The following FANCI variants were observed in gnomAD, a reference collection of about 807,000 sequenced individuals.
The protein encoded by FANCI is FA complementation group I.
Under a neutral mutation model 176.1 loss-of-function variants are expected in FANCI, and 156 were observed. The observed-to-expected ratio is 0.89, with a 90% CI of 0.78 to 1.01. The LOEUF (loss-of-function observed/expected upper bound fraction) is 1.01, where lower values mean the gene tolerates loss of function less well. Among genes scored for constraint, FANCI ranks in the 50% least tolerant of loss-of-function variants. The pLI, the probability that FANCI is intolerant of heterozygous loss-of-function variation, is 0.00. For synonymous variants in FANCI, 613 were observed against 541.7 expected (o/e 1.13, Z -1.83); for missense variants, 1,678 against 1,534.1 (o/e 1.09, Z -1.57).
At chr15:89,263,507 C>T (rs1174098285) in intron 7 of FANCI, 47 bp downstream of exon 7, 3 of 1,480,086 alleles carry the variant, frequency 2.0e-6, no homozygotes, top group African/African-American at 1.4e-5. Flanking sequence ...GCTTTGTGAA[C>T]TTACTTGCTA....
chr15:89,302,612 C>G (rs2054566664), intron 27 of FANCI, among the ~76,000 whole-genome samples: 1 of 150,244 alleles, frequency 6.7e-6, no homozygotes, highest in Non-Finnish European at 1.5e-5. Context: ...CTCGCTCTGT[C>G]TCCCAGGCTG....
intron 24 of FANCI, among the ~76,000 whole-genome samples, chr15:89,297,043 G>C (rs2054316381): frequency 6.6e-6 from 1 of 151,274 alleles, no homozygotes; most frequent in South Asian, 2.1e-4. Flanking sequence ...TCCTGGACGG[G>C]GTGGCTGCCG....
rs73468710 is a variant in FANCI, at chr15:89,278,402, A to G, written c.1294-285A>G. On this transcript the variant is annotated intron_variant, in intron 13 of 37. Transcript: ENST00000310775. ...GATATTGTCAGGTAATGGATACCTAAGTAGAATTGATCCTGTTTGATGCTG... is the reference window on the plus strand; with the variant it reads ...GATATTGTCAGGTAATGGATACCTAGGTAGAATTGATCCTGTTTGATGCTG... 0.037 allele frequency among the ~76,000 whole-genome samples: 5,604 copies of G among 152,302 alleles called. 280 individuals carry two copies. The highest frequency in any genetic ancestry group is 0.12 in the African/African-American group (5,030 of 41,544).
At chr15:89,288,931 G>A (rs115426828) in intron 18 of FANCI, among the ~76,000 whole-genome samples, 2,546 of 151,670 alleles carry the variant, frequency 0.017, 65 homozygotes, top group African/African-American at 0.048. Flanking sequence ...ATGAGCTACC[G>A]TGCCCGGCCC....
intron 24 of FANCI, among the ~76,000 whole-genome samples, chr15:89,297,133 G>A (rs548708063): frequency 9.4e-5 from 14 of 149,290 alleles, no homozygotes; most frequent in African/African-American, 1.5e-4. Context: ...GGCGGCTGCC[G>A]GGCGGCAGGG....
chr15:89,253,273 A>G (rs1485494509), intron 2 of FANCI, among the ~76,000 whole-genome samples: 1 of 152,176 alleles, frequency 6.6e-6, no homozygotes, highest in African/African-American at 2.4e-5. Flanking sequence ...ATTTGGAAAA[A>G]ATAGATGAAA....
Position 89,301,422 on chromosome 15 carries a change from C to T in FANCI, c.2986C>T (p.Leu996=), listed in dbSNP as rs2151859620. Residue 996 remains leucine, a synonymous_variant, in exon 27 of 38, where the codon CTG becomes TTG. Coordinates refer to ENST00000310775, the MANE Select transcript of FANCI (RefSeq NM_001113378.2). ...GGTTCTTACCAGTTTGTCCAAGTTA[C>T]TGGAGCCCTCCTCTCCTCAGGTACT... ...VTVLTSLSKL[L]EPSSPQFVQM... is the part of the protein sequence containing the mutation. 1 of 1,613,724 alleles carries T rather than the reference C, an allele frequency of 6.2e-7. No individual in the cohort carries two copies. Among genetic ancestry groups the T allele is most frequent in the Middle Eastern group, 1.6e-4 (1 of 6,062 alleles).
chr15:89,262,659 C>A (rs1447429242), intron 6 of FANCI, among the ~76,000 whole-genome samples: 2 of 152,148 alleles, frequency 1.3e-5, no homozygotes, highest in South Asian at 2.1e-4. Context: ...TTACATAAAT[C>A]ATTTTAAGCA....
intron 4 of FANCI, among the ~76,000 whole-genome samples, chr15:89,261,058 G>A (rs2052691949): frequency 6.6e-6 from 1 of 152,112 alleles, no homozygotes; most frequent in Non-Finnish European, 1.5e-5. Context: ...GAGCTCAGGA[G>A]TTTGAGACCA....
chr15:89,247,646 C>T lies in FANCI; in HGVS notation c.-2C>T. On this transcript the variant is annotated 5_prime_UTR_variant, in exon 2 of 38. Coordinates refer to ENST00000310775, the MANE Select transcript of FANCI (RefSeq NM_001113378.2). ...CCTTGTAGTTCTGTGATATGAGCAA[C>T]AATGGACCAGAAGATTTTATCTCTA... The T allele has an allele frequency of 6.2e-7, 1 of 1,613,704 alleles. No homozygotes were observed. Among genetic ancestry groups the T allele is most frequent in the Non-Finnish European group, 8.5e-7 (1 of 1,179,676 alleles).
chr15:89,261,185 C>T (rs1004938099), intron 4 of FANCI, among the ~76,000 whole-genome samples: 1 of 152,044 alleles, frequency 6.6e-6, no homozygotes, highest in South Asian at 2.1e-4. Context: ...GCAGGAAGAT[C>T]GCCTGAGCCA....
chr15:89,257,233 C>G (rs960959968), intron 2 of FANCI, among the ~76,000 whole-genome samples: 2 of 152,136 alleles, frequency 1.3e-5, no homozygotes, highest in African/African-American at 4.8e-5. Context: ...TCACCACCCC[C>G]TACTTCCCTT....
At chr15:89,302,766 G>A (rs113271516) in intron 27 of FANCI, among the ~76,000 whole-genome samples, 4,900 of 152,006 alleles carry the variant, frequency 0.032, 221 homozygotes, top group African/African-American at 0.11. Flanking sequence ...ATAGAGACGG[G>A]GTTTCACCGT....
intron 18 of FANCI, among the ~76,000 whole-genome samples, chr15:89,288,485 A>C (rs1010567001): frequency 6.6e-6 from 1 of 152,210 alleles, no homozygotes; most frequent in Admixed American, 6.5e-5. Context: ...ATGTAGTGAT[A>C]AAACTTGTCA....
At chr15:89,247,939 C>T (rs2052062692) in intron 2 of FANCI, among the ~76,000 whole-genome samples, 2 of 152,094 alleles carry the variant, frequency 1.3e-5, no homozygotes, top group African/African-American at 4.8e-5. Flanking sequence ...GCATTTGTGA[C>T]CAAGTTTAAA....
At chr15:89,267,685 G>A (rs539417665) in intron 9 of FANCI, among the ~76,000 whole-genome samples, 1 of 152,270 alleles carries the variant, frequency 6.6e-6, no homozygotes, top group Admixed American at 6.5e-5. Context: ...CCAACGTTTT[G>A]GGAGGCTGAG....
chr15:89,299,330 AGTAAT>A (rs1463064453), intron 24 of FANCI, among the ~76,000 whole-genome samples: 1 of 152,218 alleles, frequency 6.6e-6, no homozygotes, highest in Non-Finnish European at 1.5e-5. Context: ...TTAAGGGAGA[AGTAAT>A]GTAAATTCTG....
rs74442202 is a variant in FANCI at position 89,273,310 on chromosome 15, T to A, written c.883-67T>A. 4.1e-3 allele frequency: 2,458 copies of A among 596,554 alleles called. 1 individual carries two copies. Among genetic ancestry groups the A allele is most frequent in the East Asian group, 5.5e-3 (159 of 28,826 alleles). The allele number at this position is 596,554 out of a possible 1,614,324, so 37.0% of individuals were successfully genotyped here. ...CAGAGAGACCCAATCTTTTTTTTTT[T>A]AAAAAAAAAAAAAAAAGAAAAAAGA... On this transcript the variant is annotated intron_variant, in intron 10 of 37. Coordinates refer to ENST00000310775, the MANE Select transcript of FANCI (RefSeq NM_001113378.2).
Position 89,314,549 on chromosome 15 carries a change from T to G in FANCI, c.3721-63T>G, listed in dbSNP as rs570201969. The G allele has an allele frequency of 3.0e-4, 378 of 1,242,510 alleles. 1 individual carries two copies. The African/African-American group carries it at 5.3e-3, about 17-fold the overall frequency. 77.0% of individuals were successfully genotyped at this position (1,242,510 alleles called of 1,614,324 possible). ...GCCATACAGTTTTGTAAGTGACAGC[T>G]TCAGAGGAAAACTTCAAAAACCATT... On this transcript the variant is annotated intron_variant, in intron 35 of 37. Coordinates refer to ENST00000310775, the MANE Select transcript of FANCI (RefSeq NM_001113378.2).
Sources: gnomAD v4.1 joint callset for allele counts (sites outside exome capture counted in the v4.1 genomes callset) on GRCh38, gnomAD v4.1.1 for gene constraint, MANE v1.5 for transcripts, NCBI Gene and HGNC (gene_info 2026-07-23, HGNC 2026-07-21) for gene names.